EPS8L3: variants seen among roughly 807,000 people sequenced by gnomAD.
The protein encoded by EPS8L3 is EPS8 signaling adaptor L3.
EPS8L3 carries 80 observed loss-of-function variants against 88.5 expected under a neutral mutation model. The observed-to-expected ratio is 0.90, with a 90% CI of 0.75 to 1.09. The LOEUF (loss-of-function observed/expected upper bound fraction) is 1.09, where lower values mean the gene tolerates loss of function less well. Ranked by LOEUF, EPS8L3 falls within the 50% of genes least tolerant of loss-of-function variation. The pLI is 0.00. For missense variants in EPS8L3, 721 were observed against 735.2 expected, an observed-to-expected ratio of 0.98 and a Z score of 0.22; for synonymous variants, 286 against 291.0, an observed-to-expected ratio of 0.98 and a Z score of 0.18.
Position 109,751,983 on chromosome 1 carries a change from C to T in EPS8L3, c.1434+12G>A. On this transcript the variant is annotated intron_variant, in intron 15 of 18. Transcript: ENST00000361965. ...CACCACCTCCTTTTCTAGCCTATGG[C>T]CCAAGCCTCACCTCCAGCTTCTCTC... The T allele has an allele frequency of 1.3e-6, 2 of 1,594,226 alleles. No individual in the cohort carries two copies. Among genetic ancestry groups the T allele is most frequent in the Non-Finnish European group, 1.7e-6 (2 of 1,169,426 alleles).
At chr1:109,761,852 T>C in intron 1 of EPS8L3, 79 bp from the exon 2 acceptor site, 3 of 1,329,010 alleles carry the variant, frequency 2.3e-6, no homozygotes, top group Non-Finnish European at 3.2e-6. Context: ...GGACAGTTGC[T>C]ATTGCTCTGA....
chr1:109,761,064 C>G (rs551410638), intron 3 of EPS8L3, among the ~76,000 whole-genome samples: 41 of 152,264 alleles, frequency 2.7e-4, no homozygotes, highest in African/African-American at 9.6e-4. Flanking sequence ...CAATCCCCCA[C>G]AGGGCCCAAA....
In EPS8L3 at chr1:109,752,041, G is replaced by C; in HGVS notation, c.1388C>G (p.Ala463Gly). The part of the protein sequence containing the change: ...LKMQVLYEFE[A>G]RNPRELTVVQ... ...CACAGTCAGTTCCCGTGGGTTCCTA[G>C]CTTCAAACTCGTACAAGACTTGCAT... The change falls in exon 15 of 19, where the codon GCT (alanine) becomes GGT (glycine). Residue 463 changes from alanine (A) to glycine (G), a missense_variant. Ala to Gly is a moderately conservative substitution (Grantham distance 60, BLOSUM62 0). Transcript: ENST00000361965. 6.2e-6 allele frequency: 10 copies of C among 1,613,816 alleles called. No individual in the cohort carries two copies. The highest frequency in any genetic ancestry group is 1.1e-5 in the South Asian group (1 of 91,014).
At chr1:109,763,373 C>T (rs1401815362) in intron 1 of EPS8L3, among the ~76,000 whole-genome samples, 1 of 152,160 alleles carries the variant, frequency 6.6e-6, no homozygotes, top group Non-Finnish European at 1.5e-5. Context: ...GCCCCACTCC[C>T]CACTCCCTCA....
intron 14 of EPS8L3, chr1:109,752,426 T>C: frequency 3.3e-6 from 2 of 605,756 alleles, no homozygotes; most frequent in African/African-American, 3.7e-5. Context: ...TACATCTGAG[T>C]TCTGCCCTAA....
chr1:109,750,379 C>G lies in EPS8L3; in HGVS notation c.*12G>C. The G allele has an allele frequency of 6.2e-7, 1 of 1,613,734 alleles. No individual in the cohort carries two copies. On this transcript the variant is annotated 3_prime_UTR_variant, in exon 19 of 19. Transcript: ENST00000361965. ...AGCGGGGCCTGGTTCTTGGAGGTGT[C>G]TAAGCTGGTGCCTAAGGGCTTATCT... is the stretch of plus-strand genomic sequence containing the variant.
chr1:109,753,189 C>A lies in EPS8L3; in HGVS notation c.1128G>T (p.Trp376Cys). 2 of 1,609,774 alleles carry A rather than the reference C, an allele frequency of 1.2e-6. No homozygotes were observed. Among genetic ancestry groups the A allele is most frequent in the Non-Finnish European group, 1.7e-6 (2 of 1,177,824 alleles). The change falls in exon 13 of 19, where the codon TGG becomes TGT. Residue 376 changes from tryptophan to cysteine, a missense_variant. By Grantham distance (215) the Trp-to-Cys change is radical. Transcript: ENST00000361965. ...GGTAGGGCAGGGGCTCATCGCCTGT[C>A]CAGTCGGCCCTGAAGAGGGAAACAA... is the stretch of plus-strand genomic sequence containing the variant. ...GPAWTTSRAD[W>C]TGDEPLPYQP...
intron 12 of EPS8L3, among the ~76,000 whole-genome samples, chr1:109,754,616 A>T (rs1650115006): frequency 6.6e-6 from 1 of 152,226 alleles, no homozygotes. Flanking sequence ...ATATGTGCTA[A>T]TCTGTTTTTC....
chr1:109,750,691 G>T lies in EPS8L3; in HGVS notation c.1739C>A (p.Ser580Tyr). Residue 580 changes from serine (S) to tyrosine (Y), a missense_variant, in exon 18 of 19, where the codon TCC (serine) becomes TAC (tyrosine). Transcript: ENST00000361965. ...LCPQEAPRILSRLEAVRRMLG... is the reference protein window; with the variant it reads ...LCPQEAPRILYRLEAVRRMLG... Reference sequence around the variant, plus strand: ...CATCCTTCTGACAGCCTCCAGCCGGGACAGGATTCGTGGGGCCTCCTGTGG... The same window carrying T: ...CATCCTTCTGACAGCCTCCAGCCGGTACAGGATTCGTGGGGCCTCCTGTGG... The T allele has an allele frequency of 6.2e-7, 1 of 1,614,244 alleles. No individual in the cohort carries two copies.
At chr1:109,756,069 G>A (rs1049973207) in intron 12 of EPS8L3, among the ~76,000 whole-genome samples, 1 of 152,114 alleles carries the variant, frequency 6.6e-6, no homozygotes, top group Admixed American at 6.5e-5. Context: ...TACGTTCAGG[G>A]GCTCCCTCTG....
rs1398419239 is a variant in EPS8L3, at chr1:109,753,179, C to T, written c.1138G>A (p.Glu380Lys). 1.2e-6 allele frequency: 2 copies of T among 1,611,978 alleles called. No homozygotes were observed. Among genetic ancestry groups the T allele is most frequent in the South Asian group, 1.1e-5 (1 of 90,706 alleles). ...TTSRADWTGD[E>K]PLPYQPTFSD... ...AATGTGGGTTGGTAGGGCAGGGGCT[C>T]ATCGCCTGTCCAGTCGGCCCTGAAG... Residue 380 changes from glutamate to lysine, a missense_variant, in exon 13 of 19, where the codon GAG (glutamate) becomes AAG (lysine). By Grantham distance (56) the Glu-to-Lys change is moderately conservative. Coordinates refer to ENST00000361965, the MANE Select transcript of EPS8L3 (RefSeq NM_133181.4).
chr1:109,750,218 G>T lies in EPS8L3; in HGVS notation c.*173C>A. The T allele has an allele frequency of 1.4e-6, 1 of 730,914 alleles. No homozygotes were observed. Among genetic ancestry groups the T allele is most frequent in the South Asian group, 1.8e-5 (1 of 54,884 alleles). 45.3% of individuals were successfully genotyped at this position (730,914 alleles called of 1,614,324 possible). The stretch of plus-strand genomic sequence containing the variant: ...GGGAGGCTCCAACACAGCCAGAAGG[G>T]ACACTGTTTGCTTCAGCCTCTGGGC... On this transcript the variant is annotated 3_prime_UTR_variant, in exon 19 of 19. Coordinates refer to ENST00000361965, the MANE Select transcript of EPS8L3 (RefSeq NM_133181.4).
At position 109,759,792 on chromosome 1, in the gene EPS8L3, G is replaced by A. The variant is rs778644373; in HGVS notation, c.141C>T (p.Pro47=). The change falls in exon 4 of 19, where the codon CCC becomes CCT. Residue 47 remains proline (P), a synonymous_variant. Transcript: ENST00000361965. This position sits in a 1 kb window ranked among gnomAD's most constrained non-coding sequence, Gnocchi z 4.2. ...CGAACAGCTTCTGCAAGGCATCCTC[G>A]GGCCCCTGGACTCTCTGACTCCCCT... ...CKQGSQRVQG[P]EDALQKLFEM... The A allele has an allele frequency of 1.5e-5, 24 of 1,613,964 alleles. No individual in the cohort carries two copies. Among genetic ancestry groups the A allele is most frequent in the South Asian group, 7.7e-5 (7 of 91,078 alleles).
chr1:109,758,597 G>A lies in EPS8L3; in HGVS notation c.528C>T (p.Leu176=), dbSNP rs753378857. 1.3e-5 allele frequency: 21 copies of A among 1,613,126 alleles called. 1 individual carries two copies. In the Admixed American group the frequency reaches 2.7e-4, roughly 21 times the overall value. The change falls in exon 7 of 19, where the codon CTC becomes CTT. Residue 176 remains leucine (L), a synonymous_variant. Transcript: ENST00000361965. ...CCAGATAGCGTGCCTGCTCCATAGG[G>A]AGCGGCCTTTCCATAGCAGGCCCCC... ...RWRGPAMERP[L]PMEQARYLEP...
intron 2 of EPS8L3, 78 bp downstream of exon 2, chr1:109,761,641 G>C (rs1650968973): frequency 6.2e-7 from 1 of 1,605,474 alleles, no homozygotes. Context: ...CAGTTGGTGT[G>C]AGGAAGGGGG....
chr1:109,759,991 C>T lies in EPS8L3; in HGVS notation c.97-155G>A, dbSNP rs1343129331. Reference sequence around the variant, plus strand: ...CTTCAGATAAAGCAACTTTCCAGGGCCAATGTGAGGGACGGTGTCGAAGCA... The same window carrying T: ...CTTCAGATAAAGCAACTTTCCAGGGTCAATGTGAGGGACGGTGTCGAAGCA... On this transcript the variant is annotated intron_variant, in intron 3 of 18. Transcript: ENST00000361965. The surrounding 1 kb of genome is among the most constrained non-coding windows in gnomAD (Gnocchi z 4.2). The T allele has an allele frequency of 5.5e-6, 4 of 730,802 alleles. No homozygotes were observed. Among genetic ancestry groups the T allele is most frequent in the Non-Finnish European group, 8.8e-6 (4 of 455,728 alleles). The allele number at this position is 730,802 out of a possible 1,614,324, so 45.3% of individuals were successfully genotyped here.
chr1:109,757,535 C>T lies in EPS8L3; in HGVS notation c.915G>A (p.Leu305=). Reference sequence around the variant, plus strand: ...CGAGCTCAGGGGCACTTGTCTCCTTCAGCCAGGTGGCCAGCCTTCCCTGGG... The same window carrying T: ...CGAGCTCAGGGGCACTTGTCTCCTTTAGCCAGGTGGCCAGCCTTCCCTGGG... The part of the protein sequence containing the change: ...FNLLGRLATW[L]KETSAPELVH... The change falls in exon 11 of 19, where the codon CTG becomes CTA. Residue 305 remains leucine (L), a synonymous_variant. Transcript: ENST00000361965. 1.2e-6 allele frequency: 2 copies of T among 1,614,042 alleles called. No individual in the cohort carries two copies.
At position 109,759,643 on chromosome 1, in the gene EPS8L3, G is replaced by A; in HGVS notation, c.255+35C>T. The A allele has an allele frequency of 6.2e-7, 1 of 1,607,344 alleles. No individual in the cohort carries two copies. The highest frequency in any genetic ancestry group is 8.5e-7 in the Non-Finnish European group (1 of 1,177,648). The stretch of plus-strand genomic sequence containing the variant: ...CTAGTGCTTGCTTCCCCACAGCCCA[G>A]GCTGGCTATCACTGGGTTTGCTGGG... On this transcript the variant is annotated intron_variant, in intron 4 of 18. Transcript: ENST00000361965. The surrounding 1 kb of genome is among the most constrained non-coding windows in gnomAD (Gnocchi z 4.2).
Position 109,761,740 on chromosome 1 carries a change from G to A in EPS8L3, c.10C>T (p.Pro4Ser), listed in dbSNP as rs935252097. 6.2e-7 allele frequency: 1 copy of A among 1,614,032 alleles called. No homozygotes were observed. Among genetic ancestry groups the A allele is most frequent in the Non-Finnish European group, 8.5e-7 (1 of 1,179,992 alleles). MSR[P>S]SSRAIYLHRK... ...TTACAGTAAATGGCTCTGCTGCTGG[G>A]CCTTGACATGTTGACGCTGCTGAGG... The change falls in exon 2 of 19, where the codon CCC becomes TCC. Residue 4 changes from proline to serine, a missense_variant. Transcript: ENST00000361965.
Sources: allele counts gnomAD v4.1 joint callset (sites outside exome capture counted in the v4.1 genomes callset), GRCh38; gene constraint gnomAD v4.1.1; non-coding constraint Gnocchi (gnomAD v3.1); transcripts MANE v1.5; gene names NCBI Gene and HGNC (gene_info 2026-07-23, HGNC 2026-07-21).